Variants in KIF21A observed in about 807,000 individuals in gnomAD.
KIF21A encodes kinesin family member 21A, also known as kinesin-like protein KIF21A.
KIF21A carries 114 observed loss-of-function variants against 202.9 expected under a neutral mutation model. The ratio of observed to expected loss-of-function variants is 0.56; its 90% CI spans 0.48 to 0.66. The LOEUF is 0.66. Ranked by LOEUF, KIF21A falls within the 30% of genes least tolerant of loss-of-function variation. The pLI is 0.00. For synonymous variants in KIF21A, 667 were observed against 670.8 expected (o/e 0.99, Z 0.09); for missense variants, 1,677 against 1,994.9 (o/e 0.84, Z 3.04).
rs2138685600 is a variant in KIF21A, at chr12:39,351,844, C to T, written c.1606G>A (p.Glu536Lys). The T allele has an allele frequency of 6.2e-7, 1 of 1,607,250 alleles. No homozygotes were observed. Among genetic ancestry groups the T allele is most frequent in the East Asian group, 2.2e-5 (1 of 44,784 alleles). ...TILSSDKETI[E>K]IIDLAKKDLE... ...TCTTTTTTTGCTAGGTCTATAATTT[C>T]AATGGTTTCTTTGTCTGAGGATAGT... Residue 536 changes from glutamate (E) to lysine (K), a missense_variant, in exon 11 of 38, where the codon GAA (glutamate) becomes AAA (lysine). Physicochemically the swap from Glu to Lys is moderately conservative, Grantham distance 56. Transcript: ENST00000361418.
intron 1 of KIF21A, among the ~76,000 whole-genome samples, chr12:39,383,200 C>G (rs969978842): frequency 6.6e-6 from 1 of 152,094 alleles, no homozygotes; most frequent in African/African-American, 2.4e-5. Context: ...AATTGAAGGT[C>G]AAAGGAAATA....
At chr12:39,354,558 A>G (rs1337546972) in intron 10 of KIF21A, among the ~76,000 whole-genome samples, 1 of 152,188 alleles carries the variant, frequency 6.6e-6, no homozygotes, top group Non-Finnish European at 1.5e-5. Flanking sequence ...CTCACAAGTA[A>G]TGTGACATGT....
At chr12:39,321,419 A>G (rs1945239473) in intron 27 of KIF21A, 1 of 152,220 alleles carries the variant, frequency 6.6e-6, no homozygotes, top group Non-Finnish European at 1.5e-5. Flanking sequence ...CAGACTAAAT[A>G]CCTAACACAT....
intron 3 of KIF21A, 55 bp downstream of exon 3, chr12:39,369,672 AAC>A: frequency 7.4e-7 from 1 of 1,343,108 alleles, no homozygotes. Flanking sequence ...TAAAATCATA[AAC>A]ACAGTCTATA....
In KIF21A at chr12:39,396,370, G is replaced by A. The variant is rs1379644897; in HGVS notation, c.45-26109C>T. 2.6e-5 allele frequency among the ~76,000 whole-genome samples: 4 copies of A among 152,226 alleles called. No homozygotes were observed. In the East Asian group the frequency reaches 7.7e-4, roughly 29 times the overall value. On this transcript the variant is annotated intron_variant, in intron 1 of 37. Transcript: ENST00000361418. ...TTCAGTTACACCATGAGATCCCTAA[G>A]GTCCCCAAGGGTTTTCATCTTTTAT...
chr12:39,304,619 T>C (rs192801183), intron 35 of KIF21A, among the ~76,000 whole-genome samples: 1 of 152,250 alleles, frequency 6.6e-6, no homozygotes, highest in African/African-American at 2.4e-5. Flanking sequence ...TTTTCCAACC[T>C]TTCTTCTATG....
chr12:39,334,448 A>G (rs1946787751), intron 17 of KIF21A, among the ~76,000 whole-genome samples: 1 of 152,162 alleles, frequency 6.6e-6, no homozygotes, highest in East Asian at 1.9e-4. Context: ...TTTCTGTCTC[A>G]TCAGATGGGA....
intron 34 of KIF21A, among the ~76,000 whole-genome samples, chr12:39,305,544 T>C (rs1331484745): frequency 2.0e-5 from 3 of 151,988 alleles, no homozygotes; most frequent in Non-Finnish European, 4.4e-5. Context: ...ATCACCAGCT[T>C]TTTTCATTTT....
intron 13 of KIF21A, among the ~76,000 whole-genome samples, 170 bp from the exon 14 acceptor site, chr12:39,341,792 T>C (rs967646991): frequency 3.9e-5 from 6 of 152,166 alleles, no homozygotes; most frequent in African/African-American, 1.4e-4. Flanking sequence ...AATCAAAAAG[T>C]ATTTCATCTC....
At chr12:39,356,764 G>T in intron 10 of KIF21A, 68 bp downstream of exon 10, 1 of 778,604 alleles carries the variant, frequency 1.3e-6, no homozygotes. Context: ...CCAACAAACA[G>T]AAATATTATA....
intron 11 of KIF21A, among the ~76,000 whole-genome samples, chr12:39,349,684 C>A (rs1313352719): frequency 6.6e-6 from 1 of 151,940 alleles, no homozygotes; most frequent in Non-Finnish European, 1.5e-5. Context: ...TTATTGGGAT[C>A]CAAGTGTGAT....
At chr12:39,330,324 T>G in intron 23 of KIF21A, 62 bp from the exon 24 acceptor site, 1 of 1,450,328 alleles carries the variant, frequency 6.9e-7, no homozygotes, top group East Asian at 2.3e-5. Context: ...AGATCCAATG[T>G]TAAAAACTCC....
At chr12:39,413,904 T>C (rs1347584617) in intron 1 of KIF21A, among the ~76,000 whole-genome samples, 1 of 152,118 alleles carries the variant, frequency 6.6e-6, no homozygotes, top group Non-Finnish European at 1.5e-5. Context: ...TAAAGTTGTT[T>C]TCCCATAAAA....
intron 6 of KIF21A, among the ~76,000 whole-genome samples, chr12:39,364,803 T>C (rs74088367): frequency 6.6e-6 from 1 of 152,348 alleles, no homozygotes; most frequent in African/African-American, 2.4e-5. Context: ...TTAAAGAATT[T>C]TGAAAAGATG....
intron 1 of KIF21A, among the ~76,000 whole-genome samples, chr12:39,395,459 C>G (rs986261665): frequency 6.6e-6 from 1 of 152,138 alleles, no homozygotes; most frequent in Non-Finnish European, 1.5e-5. Context: ...GTTTCCATAC[C>G]GCCATATTTC....
intron 1 of KIF21A, among the ~76,000 whole-genome samples, chr12:39,440,570 A>G (rs936603620): frequency 1.3e-5 from 2 of 152,260 alleles, no homozygotes; most frequent in Non-Finnish European, 2.9e-5. Flanking sequence ...AGGATAACAG[A>G]GACGGGTATA....
At chr12:39,364,649 T>C (rs1245256356) in intron 6 of KIF21A, among the ~76,000 whole-genome samples, 1 of 152,174 alleles carries the variant, frequency 6.6e-6, no homozygotes, top group East Asian at 1.9e-4. Context: ...CCACACACTC[T>C]ATAACTGCCT....
intron 1 of KIF21A, among the ~76,000 whole-genome samples, chr12:39,420,681 A>G (rs965729670): frequency 1.1e-4 from 16 of 152,068 alleles, no homozygotes; most frequent in African/African-American, 3.9e-4. Context: ...AGCAAATTGG[A>G]TGTTTTTGGT....
chr12:39,367,233 A>C, intron 4 of KIF21A, 69 bp from the exon 5 acceptor site: 1 of 1,539,702 alleles, frequency 6.5e-7, no homozygotes, highest in Admixed American at 1.7e-5. Flanking sequence ...CCAAAGTCTG[A>C]GGTAATGGCT....
Sources: allele counts gnomAD v4.1 joint callset (sites outside exome capture counted in the v4.1 genomes callset), GRCh38; gene constraint gnomAD v4.1.1; transcripts MANE v1.5; gene names NCBI Gene and HGNC (gene_info 2026-07-23, HGNC 2026-07-21).